The following SYBU variants were observed in gnomAD, a reference collection of about 807,000 sequenced individuals.
The protein encoded by SYBU is GOLSYN A protein.
In SYBU, 21 loss-of-function variants were observed where a neutral mutation model predicts 35.9. The observed-to-expected ratio is 0.58, with a 90% CI of 0.41 to 0.84. The LOEUF (loss-of-function observed/expected upper bound fraction) is 0.84, where lower values mean the gene tolerates loss of function less well. SYBU is among the 40% of genes least tolerant of loss of function. SYBU has a pLI of 0.00. For missense variants in SYBU, 768 were observed against 848.2 expected, an observed-to-expected ratio of 0.91 and a Z score of 1.17; for synonymous variants, 319 against 324.3, an observed-to-expected ratio of 0.98 and a Z score of 0.18.
chr8:109,618,758 T>G, intron 3 of SYBU, 84 bp downstream of exon 3: 1 of 1,239,906 alleles, frequency 8.1e-7, no homozygotes, highest in South Asian at 1.3e-5. Flanking sequence ...GATCCCCGAC[T>G]CGATATACAG....
chr8:109,657,609 T>C (rs1400697015), intron 1 of SYBU, among the ~76,000 whole-genome samples: 3 of 152,202 alleles, frequency 2.0e-5, no homozygotes, highest in African/African-American at 7.2e-5. Flanking sequence ...AAACTGGAAA[T>C]GACTGCAGAA....
chr8:109,613,011 G>GA (rs71305961), intron 3 of SYBU, among the ~76,000 whole-genome samples: 15,698 of 139,346 alleles, frequency 0.11, 1,094 homozygotes, highest in East Asian at 0.37. Flanking sequence ...AAGAAGAAAA[G>GA]AAAAAAAAAA....
chr8:109,683,420 G>A (rs1247225639), upstream of SYBU, among the ~76,000 whole-genome samples: 1 of 152,148 alleles, frequency 6.6e-6, no homozygotes, highest in East Asian at 1.9e-4. Flanking sequence ...AACTTGGATG[G>A]GACTTGTAAC....
chr8:109,578,279 T>C (rs1822595146), intron 5 of SYBU, among the ~76,000 whole-genome samples: 1 of 152,132 alleles, frequency 6.6e-6, no homozygotes, highest in Admixed American at 6.5e-5. Context: ...CCTGTGAGGA[T>C]ACATTAAGAG....
upstream of SYBU, among the ~76,000 whole-genome samples, chr8:109,648,264 T>C (rs1586949514): frequency 6.9e-6 from 1 of 145,196 alleles, no homozygotes; most frequent in Admixed American, 6.9e-5. Flanking sequence ...TATACAATAA[T>C]ATATATATAT....
chr8:109,650,733 T>C (rs1442516987), intron 1 of SYBU, among the ~76,000 whole-genome samples: 2 of 152,242 alleles, frequency 1.3e-5, no homozygotes, highest in Non-Finnish European at 2.9e-5. Context: ...ATCTGGCCTA[T>C]GTAGTTTCAT....
chr8:109,668,654 C>T (rs1324294235), intron 1 of SYBU, among the ~76,000 whole-genome samples: 1 of 152,108 alleles, frequency 6.6e-6, no homozygotes, highest in Non-Finnish European at 1.5e-5. Context: ...CATGGTATTA[C>T]TAAAAATAGC....
At chr8:109,589,560 C>A (rs1034156060) in intron 3 of SYBU, among the ~76,000 whole-genome samples, 1 of 152,222 alleles carries the variant, frequency 6.6e-6, no homozygotes, top group African/African-American at 2.4e-5. Flanking sequence ...TCTCAAGAAC[C>A]TATGCCCAGT....
chr8:109,643,204 C>T (rs1020300344), intron 1 of SYBU: 12 of 1,125,576 alleles, frequency 1.1e-5, no homozygotes, highest in African/African-American at 1.6e-5. Flanking sequence ...AGCTGGAAGG[C>T]CATCCTACTT....
At chr8:109,667,648 T>C (rs1816806672) in intron 1 of SYBU, among the ~76,000 whole-genome samples, 1 of 152,208 alleles carries the variant, frequency 6.6e-6, no homozygotes, top group African/African-American at 2.4e-5. Context: ...TTGGTGGTTG[T>C]TTGAGACAGA....
At chr8:109,632,962 C>T (rs6469272) in intron 2 of SYBU, among the ~76,000 whole-genome samples, 43,358 of 152,034 alleles carry the variant, frequency 0.29, 6,630 homozygotes, top group East Asian at 0.41. Context: ...TAGAAAACTG[C>T]CTTGCACACA....
chr8:109,577,706 A>AGAG (rs1822505360), intron 6 of SYBU, among the ~76,000 whole-genome samples, 162 bp downstream of exon 6: 1 of 152,218 alleles, frequency 6.6e-6, no homozygotes, highest in African/African-American at 2.4e-5. Flanking sequence ...CATATCACAC[A>AGAG]GAGTTATGAA....
intron 1 of SYBU, among the ~76,000 whole-genome samples, chr8:109,663,631 C>T (rs1487502807): frequency 6.6e-6 from 1 of 151,962 alleles, no homozygotes; most frequent in Non-Finnish European, 1.5e-5. Context: ...TCTGGTGGTA[C>T]TTTATTATTC....
intron 2 of SYBU, among the ~76,000 whole-genome samples, chr8:109,641,128 C>T: frequency 6.6e-6 from 1 of 152,178 alleles, no homozygotes; most frequent in Non-Finnish European, 1.5e-5. Context: ...ACAGTCACTC[C>T]TTTAAATTTT....
intron 1 of SYBU, among the ~76,000 whole-genome samples, chr8:109,668,281 G>T (rs1816841374): frequency 1.3e-5 from 2 of 151,132 alleles, no homozygotes; most frequent in Non-Finnish European, 2.9e-5. Flanking sequence ...CTGTCTCCTT[G>T]GTTCTCACAT....
At chr8:109,619,284 C>T (rs936764694) in intron 2 of SYBU, among the ~76,000 whole-genome samples, 3 of 151,498 alleles carry the variant, frequency 2.0e-5, no homozygotes, top group Non-Finnish European at 4.4e-5. Flanking sequence ...AGTGCAGCGG[C>T]GTGATCTCAG....
chr8:109,691,282 C>CTGCCT lies in SYBU; in HGVS notation c.-58+50_-58+51insAGGCA, dbSNP rs1817638492. The CTGCCT allele has an allele frequency of 1.4e-6, 1 of 696,974 alleles. No individual in the cohort carries two copies. The highest frequency in any genetic ancestry group is 1.8e-5 in the African/African-American group (1 of 56,430). 43.2% of individuals were successfully genotyped at this position (696,974 alleles called of 1,614,324 possible). On this transcript the variant is annotated intron_variant, in intron 1 of 7. Coordinates refer to the SYBU transcript ENST00000422135. The surrounding 1 kb of genome is among the most constrained non-coding windows in gnomAD (Gnocchi z 4.7). Reference sequence around the variant, plus strand: ...GTACCGAAGACCATCAGTTGCCCTCCCGTGTCCGCGGGCACTGACAGCAGA... The same window carrying CTGCCT: ...GTACCGAAGACCATCAGTTGCCCTCCTGCCTCGTGTCCGCGGGCACTGACAGCAGA...
At chr8:109,661,323 A>G (rs1223317073) in intron 1 of SYBU, among the ~76,000 whole-genome samples, 1 of 152,216 alleles carries the variant, frequency 6.6e-6, no homozygotes, top group East Asian at 1.9e-4. Flanking sequence ...AAATGCTAGG[A>G]TTGAACTTTG....
chr8:109,601,844 G>C (rs1586795961), intron 3 of SYBU, among the ~76,000 whole-genome samples: 1 of 152,168 alleles, frequency 6.6e-6, no homozygotes, highest in Admixed American at 6.5e-5. Context: ...TGTAACCAGA[G>C]AGTTGAAAAA....
Sources: gnomAD v4.1 joint callset for allele counts (sites outside exome capture counted in the v4.1 genomes callset) on GRCh38, gnomAD v4.1.1 for gene constraint, Gnocchi (gnomAD v3.1) non-coding constraint, MANE v1.5 for transcripts, NCBI Gene and HGNC (gene_info 2026-07-23, HGNC 2026-07-21) for gene names.